Variants in MGLL observed in about 807,000 individuals in gnomAD.
The protein encoded by MGLL is monoglyceride lipase.
MGLL carries 7 observed loss-of-function variants against 29.1 expected under a neutral mutation model. That is an observed-to-expected ratio of 0.24 (90% CI 0.14 to 0.45). The LOEUF is 0.45. MGLL is among the 20% of genes least tolerant of loss of function. The pLI is 0.99. For synonymous variants in MGLL, 148 were observed against 168.3 expected, an observed-to-expected ratio of 0.88 and a Z score of 0.93; for missense variants, 356 against 413.6, an observed-to-expected ratio of 0.86 and a Z score of 1.21.
chr3:127,702,171 C>G (rs955517885), intron 6 of MGLL, among the ~76,000 whole-genome samples: 13 of 152,238 alleles, frequency 8.5e-5, no homozygotes, highest in African/African-American at 3.1e-4. Flanking sequence ...ACTGAGCCTA[C>G]CGCCTCTTTC....
chr3:127,694,305 A>G (rs867888203), intron 7 of MGLL, among the ~76,000 whole-genome samples: 2 of 125,744 alleles, frequency 1.6e-5, no homozygotes, highest in Admixed American at 8.5e-5. Context: ...ATATATATAT[A>G]TATGTATGTG....
At chr3:127,812,794 T>G (rs1475886762) in intron 2 of MGLL, among the ~76,000 whole-genome samples, 1 of 152,184 alleles carries the variant, frequency 6.6e-6, no homozygotes, top group East Asian at 1.9e-4. Flanking sequence ...GTCCTCATTT[T>G]AAAGATGAGA....
intron 2 of MGLL, among the ~76,000 whole-genome samples, chr3:127,814,840 A>G (rs2077727332): frequency 6.6e-6 from 1 of 152,274 alleles, no homozygotes; most frequent in Non-Finnish European, 1.5e-5. Context: ...TTGCTACGCT[A>G]TCACAAAGGC....
At chr3:127,782,010 C>T (rs1012228457) in intron 2 of MGLL, 115 bp from the exon 3 acceptor site, 2 of 928,970 alleles carry the variant, frequency 2.2e-6, no homozygotes, top group South Asian at 1.4e-5. Flanking sequence ...TGCCTGAGCT[C>T]AGGAGTTTGA....
At chr3:127,788,963 C>T (rs1360165545) in intron 2 of MGLL, among the ~76,000 whole-genome samples, 1 of 152,220 alleles carries the variant, frequency 6.6e-6, no homozygotes, top group East Asian at 1.9e-4. Flanking sequence ...AGACCACTCC[C>T]GCAGTGCCCA....
chr3:127,822,559 C>A, upstream of MGLL: 1 of 582,478 alleles, frequency 1.7e-6, no homozygotes, highest in Non-Finnish European at 3.0e-6. Flanking sequence ...CGCTGCGATT[C>A]TCCACTACTA....
chr3:127,792,470 A>G (rs1225441728), intron 2 of MGLL, among the ~76,000 whole-genome samples: 1 of 152,140 alleles, frequency 6.6e-6, no homozygotes. Context: ...TTGGGAGGCC[A>G]AGGAGGTCAG....
At position 127,695,068 on chromosome 3, in the gene MGLL, G is replaced by C; in HGVS notation, c.723C>G (p.Phe241Leu). Residue 241 changes from phenylalanine (F) to leucine (L), a missense_variant, in exon 7 of 8, where the codon TTC becomes TTG. By Grantham distance (22) the Phe-to-Leu change is conservative. Coordinates refer to ENST00000265052, the MANE Select transcript of MGLL (RefSeq NM_007283.7). ...GATCGGCAGAGCCCTGGAGCAGCAG[G>C]AAGGGCACAGTCAGCTTGGGGAGGG... The part of the protein sequence containing the change: ...ERALPKLTVP[F>L]LLLQGSADRL... 6.2e-7 allele frequency: 1 copy of C among 1,614,158 alleles called. No individual in the cohort carries two copies. The highest frequency in any genetic ancestry group is 8.5e-7 in the Non-Finnish European group (1 of 1,180,030).
rs544898170 is a variant in MGLL at position 127,790,585 on chromosome 3, C to T, written c.156-8690G>A. Among the ~76,000 whole-genome samples the T allele has an allele frequency of 4.6e-5, 7 of 152,284 alleles. No individual in the cohort carries two copies. The South Asian group carries it at 1.5e-3, about 32-fold the overall frequency. On this transcript the variant is annotated intron_variant, in intron 2 of 7. Transcript: ENST00000265052. The stretch of plus-strand genomic sequence containing the variant: ...TGAAATAAAGGCACTGTTAGTCCTT[C>T]CTTTCTTCCTTCCTTCGTCCGTAAG...
intron 6 of MGLL, among the ~76,000 whole-genome samples, chr3:127,696,661 G>T (rs1047301056): frequency 6.6e-6 from 1 of 151,854 alleles, no homozygotes; most frequent in Non-Finnish European, 1.5e-5. Flanking sequence ...TGATCCACCC[G>T]CCTCGGCCTC....
At position 127,696,396 on chromosome 3, in the gene MGLL, C is replaced by CTTTTTTTTTTTT. The variant is rs545853423; in HGVS notation, c.601-1218_601-1207dup. Among the ~76,000 whole-genome samples the CTTTTTTTTTTTT allele has an allele frequency of 1.4e-3, 68 of 49,380 alleles. 14 individuals are homozygous for CTTTTTTTTTTTT. The highest frequency in any genetic ancestry group is 2.0e-3 in the Non-Finnish European group (50 of 25,232). The allele number at this position is 49,380 out of a possible 152,430, so 32.4% of individuals were successfully genotyped here. On this transcript the variant is annotated intron_variant, in intron 6 of 7. Coordinates refer to ENST00000265052, the MANE Select transcript of MGLL (RefSeq NM_007283.7). ...GGGCAGGAGTGAGCCCCTGATGCTT[C>CTTTTTTTTTTTT]TTTTTTTTTTTTTTTTTTTTTTTTT...
intron 3 of MGLL, among the ~76,000 whole-genome samples, chr3:127,739,978 C>T (rs2076308614): frequency 6.6e-6 from 1 of 152,174 alleles, no homozygotes; most frequent in South Asian, 2.1e-4. Context: ...CAGCGAGTCC[C>T]CTTGCCTGTG....
intron 3 of MGLL, among the ~76,000 whole-genome samples, chr3:127,725,109 G>A (rs1211219453): frequency 2.6e-5 from 4 of 151,774 alleles, no homozygotes; most frequent in Admixed American, 6.6e-5. Flanking sequence ...GGCTCCGTGC[G>A]ACCCTCAGCT....
chr3:127,782,693 G>C (rs987606629), intron 2 of MGLL, among the ~76,000 whole-genome samples: 6 of 152,292 alleles, frequency 3.9e-5, no homozygotes, highest in Non-Finnish European at 8.8e-5. Flanking sequence ...CTTCAGGCAC[G>C]GAGTAAATGC....
intron 7 of MGLL, among the ~76,000 whole-genome samples, chr3:127,694,477 T>C (rs779370231): frequency 1.3e-5 from 2 of 152,008 alleles, no homozygotes; most frequent in Non-Finnish European, 2.9e-5. Context: ...CCGCAGGGCC[T>C]GTCCTCAGGG....
At position 127,692,202 on chromosome 3, in the gene MGLL, G is replaced by A. The variant is rs1295822856; in HGVS notation, c.938C>T (p.Pro313Leu). The part of the protein sequence containing the change: ...RTATAGTASP[P>L] ...GCCGGGCACCGGCCAATGCATTCAGGGTGGGGACGCAGTTCCTGCCGTGGC... is the reference window on the plus strand; with the variant it reads ...GCCGGGCACCGGCCAATGCATTCAGAGTGGGGACGCAGTTCCTGCCGTGGC... The change falls in exon 8 of 8, where the codon CCC becomes CTC. Residue 313 changes from proline to leucine, a missense_variant. Pro to Leu is a moderately conservative substitution (Grantham distance 98, BLOSUM62 -3). Coordinates refer to ENST00000265052, the MANE Select transcript of MGLL (RefSeq NM_007283.7). 1.9e-6 allele frequency: 3 copies of A among 1,613,332 alleles called. No homozygotes were observed. Among genetic ancestry groups the A allele is most frequent in the South Asian group, 2.2e-5 (2 of 91,068 alleles).
intron 3 of MGLL, 139 bp downstream of exon 3, chr3:127,781,650 A>G (rs530761867): frequency 2.6e-5 from 22 of 839,974 alleles, no homozygotes; most frequent in African/African-American, 5.0e-5. Flanking sequence ...GTTTGTTTGC[A>G]TAACTACATT....
At chr3:127,810,382 C>T (rs1224964759) in intron 2 of MGLL, among the ~76,000 whole-genome samples, 1 of 152,224 alleles carries the variant, frequency 6.6e-6, no homozygotes, top group Non-Finnish European at 1.5e-5. Flanking sequence ...TTCTGCCATG[C>T]ACTTCGGACT....
At chr3:127,766,485 G>C (rs951038335) in intron 3 of MGLL, among the ~76,000 whole-genome samples, 2 of 152,074 alleles carry the variant, frequency 1.3e-5, no homozygotes, top group African/African-American at 4.8e-5. Flanking sequence ...CCCCTCTCTT[G>C]AGTGGGAGCC....
Sources: gnomAD v4.1 joint callset for allele counts (sites outside exome capture counted in the v4.1 genomes callset) on GRCh38, gnomAD v4.1.1 for gene constraint, MANE v1.5 for transcripts, NCBI Gene and HGNC (gene_info 2026-07-23, HGNC 2026-07-21) for gene names.